Variants in ICA1 observed in about 807,000 individuals in gnomAD.
The protein encoded by ICA1 is 69 kDa islet cell autoantigen.
ICA1 carries 40 observed loss-of-function variants against 71.0 expected under a neutral mutation model. The ratio of observed to expected loss-of-function variants is 0.56; its 90% CI spans 0.44 to 0.73. ICA1 has a LOEUF of 0.73. Ranked by LOEUF, ICA1 falls within the 30% of genes least tolerant of loss-of-function variation. The pLI, the probability that ICA1 is intolerant of heterozygous loss-of-function variation, is 0.00. For synonymous variants in ICA1, 207 were observed against 209.5 expected (o/e 0.99, Z 0.10); for missense variants, 578 against 576.5 (o/e 1.00, Z -0.03).
chr7:8,256,829 C>T (rs907339722), intron 1 of ICA1, among the ~76,000 whole-genome samples: 2 of 152,178 alleles, frequency 1.3e-5, no homozygotes, highest in Admixed American at 1.3e-4. Flanking sequence ...ATGTGCTGGG[C>T]AAGGGGCAAT....
rs530146611 is a variant in ICA1 at position 8,166,696 on chromosome 7, A to G, written c.580-8044T>C. Among the ~76,000 whole-genome samples, 7 of 152,042 alleles carry G rather than the reference A, an allele frequency of 4.6e-5. No homozygotes were observed. In the East Asian group the frequency reaches 1.3e-3, roughly 29 times the overall value. ...CAGCAAAAGAAACTATCAACAGAGA[A>G]AAAAGACAACTTACAGAATGGGAGA... is the stretch of plus-strand genomic sequence containing the variant. On this transcript the variant is annotated intron_variant, in intron 6 of 13. Coordinates refer to ENST00000402384, the MANE Select transcript of ICA1 (RefSeq NM_001136020.3).
intron 13 of ICA1, among the ~76,000 whole-genome samples, chr7:8,126,772 G>A (rs1789355335): frequency 6.6e-6 from 1 of 152,154 alleles, no homozygotes; most frequent in Non-Finnish European, 1.5e-5. Flanking sequence ...TACAATTAAA[G>A]TCACATGAAA....
chr7:8,186,930 A>G (rs1044857834), intron 6 of ICA1, among the ~76,000 whole-genome samples: 12 of 152,194 alleles, frequency 7.9e-5, no homozygotes, highest in Non-Finnish European at 1.6e-4. Context: ...CTTGTTTTGC[A>G]TTTATTTTAT....
At chr7:8,163,785 C>T (rs547756602) in intron 6 of ICA1, among the ~76,000 whole-genome samples, 3 of 152,082 alleles carry the variant, frequency 2.0e-5, no homozygotes, top group African/African-American at 2.4e-5. Flanking sequence ...AGTGTAGCTG[C>T]GTTGCTCAGA....
chr7:8,135,552 C>A lies in ICA1; in HGVS notation c.1060+3288G>T, dbSNP rs141441766. ...GCGAGGAAGCAGTCAGATCCCTAGT[C>A]AGTAATATATGGACAACTGCAGGAG... On this transcript the variant is annotated intron_variant, in intron 12 of 13. Transcript: ENST00000402384. 9.3e-4 allele frequency among the ~76,000 whole-genome samples: 142 copies of A among 152,294 alleles called. 1 individual carries two copies. Among genetic ancestry groups the A allele is most frequent in the South Asian group, 2.3e-3 (11 of 4,820 alleles).
At chr7:8,247,766 T>C (rs1218947008) in intron 1 of ICA1, among the ~76,000 whole-genome samples, 1 of 152,226 alleles carries the variant, frequency 6.6e-6, no homozygotes, top group East Asian at 1.9e-4. Context: ...TAGAACTTTT[T>C]CTATGCATTT....
Position 8,222,465 on chromosome 7 carries a change from A to G in ICA1, c.257-1067T>C, listed in dbSNP as rs536341620. ...TCTCTAAAACTGCTTTCTAAATGCT[A>G]CTAGGATTCTTGTCAGCTTTCACAA... On this transcript the variant is annotated intron_variant, in intron 4 of 13. Transcript: ENST00000402384. This position sits in a 1 kb window ranked among gnomAD's most constrained non-coding sequence, Gnocchi z 4.8. 6.6e-6 allele frequency among the ~76,000 whole-genome samples: 1 copy of G among 152,322 alleles called. No individual in the cohort carries two copies. Among genetic ancestry groups the G allele is most frequent in the African/African-American group, 2.4e-5 (1 of 41,576 alleles).
At chr7:8,241,266 T>A (rs1045995034) in intron 1 of ICA1, among the ~76,000 whole-genome samples, 1 of 152,242 alleles carries the variant, frequency 6.6e-6, no homozygotes, top group African/African-American at 2.4e-5. Context: ...ATATTCAACA[T>A]TCTTAAAGAA....
chr7:8,229,309 C>T (rs1799544070), intron 3 of ICA1, among the ~76,000 whole-genome samples: 1 of 152,188 alleles, frequency 6.6e-6, no homozygotes, highest in African/African-American at 2.4e-5. Flanking sequence ...TGTGGCCATA[C>T]TAGCGGAAAC....
chr7:8,239,650 A>G (rs1803080356), intron 1 of ICA1, among the ~76,000 whole-genome samples: 1 of 152,202 alleles, frequency 6.6e-6, no homozygotes, highest in Admixed American at 6.5e-5. Context: ...AAGCTGAGGG[A>G]AGGCATGACA....
chr7:8,128,466 T>G (rs1208767060), intron 12 of ICA1, among the ~76,000 whole-genome samples: 1 of 152,156 alleles, frequency 6.6e-6, no homozygotes, highest in Admixed American at 6.5e-5. Context: ...ATTGAAAACA[T>G]GTTGGAGATC....
intron 13 of ICA1, among the ~76,000 whole-genome samples, chr7:8,124,679 C>T (rs1788452706): frequency 6.6e-6 from 1 of 152,184 alleles, no homozygotes. Context: ...TTGTTTCAAC[C>T]ACTTAGGTTT....
chr7:8,229,746 G>A (rs144732370), intron 3 of ICA1, among the ~76,000 whole-genome samples: 149 of 152,222 alleles, frequency 9.8e-4, no homozygotes, highest in Non-Finnish European at 1.8e-3. Context: ...ATAAAACTTG[G>A]TTATAAAGAA....
chr7:8,114,093 C>T (rs769970684), intron 13 of ICA1, 49 bp from the exon 14 acceptor site: 7 of 1,611,424 alleles, frequency 4.3e-6, no homozygotes, highest in South Asian at 1.1e-5. Flanking sequence ...CAAATGTCCA[C>T]CTCTGCCATG....
rs553849358 is a variant in ICA1 at position 8,128,787 on chromosome 7, G to A, written c.1061-645C>T. ...ATAAAATAAAAGGGAAAGAGGCTGCGAGTCAGGGAGCTTCACAGGCTAGAG... is the reference window on the plus strand; with the variant it reads ...ATAAAATAAAAGGGAAAGAGGCTGCAAGTCAGGGAGCTTCACAGGCTAGAG... On this transcript the variant is annotated intron_variant, in intron 12 of 13. Coordinates refer to ENST00000402384, the MANE Select transcript of ICA1 (RefSeq NM_001136020.3). Among the ~76,000 whole-genome samples the A allele has an allele frequency of 1.8e-4, 28 of 152,222 alleles. 1 individual carries two copies. The highest frequency in any genetic ancestry group is 1.0e-3 in the Admixed American group (16 of 15,298).
At chr7:8,247,267 C>G (rs1042761063) in intron 1 of ICA1, among the ~76,000 whole-genome samples, 1 of 152,010 alleles carries the variant, frequency 6.6e-6, no homozygotes, top group Non-Finnish European at 1.5e-5. Context: ...GCCTTGTGAA[C>G]ACAGTGAACT....
At chr7:8,215,287 T>C (rs1795049368) in intron 6 of ICA1, among the ~76,000 whole-genome samples, 1 of 152,168 alleles carries the variant, frequency 6.6e-6, no homozygotes, top group African/African-American at 2.4e-5. Context: ...TCCTTTCCCC[T>C]AAAAGGCCTT....
intron 6 of ICA1, among the ~76,000 whole-genome samples, chr7:8,197,243 C>T (rs1787943273): frequency 6.6e-6 from 1 of 151,284 alleles, no homozygotes; most frequent in Admixed American, 6.6e-5. Context: ...AAATGTCTAC[C>T]ATTTGCCAAC....
intron 8 of ICA1, among the ~76,000 whole-genome samples, chr7:8,146,321 G>A (rs1193457032): frequency 6.6e-6 from 1 of 152,174 alleles, no homozygotes; most frequent in Non-Finnish European, 1.5e-5. Context: ...TCAGGGAGAA[G>A]AGAGTTCCGA....
Sources: allele counts gnomAD v4.1 joint callset (sites outside exome capture counted in the v4.1 genomes callset), GRCh38; gene constraint gnomAD v4.1.1; non-coding constraint Gnocchi (gnomAD v3.1); transcripts MANE v1.5; gene names NCBI Gene and HGNC (gene_info 2026-07-23, HGNC 2026-07-21).